GABPB1: variants seen among roughly 807,000 people sequenced by gnomAD.
GABPB1 encodes GA-binding protein subunit beta-1.
Under a neutral mutation model 45.9 loss-of-function variants are expected in GABPB1, and 15 were observed. The observed-to-expected ratio is 0.33, with a 90% CI of 0.22 to 0.50. GABPB1 has a LOEUF of 0.50. Ranked by LOEUF, GABPB1 falls within the 20% of genes least tolerant of loss-of-function variation. The pLI is 0.98. For missense variants in GABPB1, 252 were observed against 457.5 expected (o/e 0.55, Z 4.10); for synonymous variants, 143 against 154.4 (o/e 0.93, Z 0.55).
chr15:50,285,414 T>C (rs1001369589), intron 8 of GABPB1, among the ~76,000 whole-genome samples: 1 of 152,144 alleles, frequency 6.6e-6, no homozygotes, highest in East Asian at 1.9e-4. Context: ...CAAGTATAAC[T>C]TTGTTTTCAT....
intron 1 of GABPB1, chr15:50,354,053 GAC>G (rs71747715): frequency 0.3 from 75,112 of 249,552 alleles, 13,327 homozygotes; most frequent in Middle Eastern, 0.39. Context: ...AAAGTGGGAA[GAC>G]ACACACAAAG....
intron 1 of GABPB1, among the ~76,000 whole-genome samples, chr15:50,339,259 A>G (rs993811070): frequency 6.6e-6 from 1 of 152,236 alleles, no homozygotes; most frequent in Non-Finnish European, 1.5e-5. Context: ...CAGAGGTTGC[A>G]GTGAGCCAAG....
At chr15:50,302,643 CA>C (rs60408137) in intron 4 of GABPB1, among the ~76,000 whole-genome samples, 769 of 62,002 alleles carry the variant, frequency 0.012, 1 homozygote, top group East Asian at 0.03. Flanking sequence ...GACTCTGGCT[CA>C]AAAAAAAAAA....
intron 7 of GABPB1, 27 bp from the exon 8 acceptor site, chr15:50,286,210 A>G (rs759818340): frequency 4.2e-6 from 6 of 1,422,214 alleles, no homozygotes; most frequent in Non-Finnish European, 4.7e-6. Flanking sequence ...ATTATGTATT[A>G]CTTCATTTTC....
chr15:50,303,027 T>G lies in GABPB1; in HGVS notation c.373A>C (p.Lys125Gln). Residue 125 changes from lysine to glutamine, a missense_variant, in exon 4 of 9, where the codon AAA (lysine) becomes CAA (glutamine). Around this residue, in one of 4 missense-constraint regions of GABPB1, gnomAD observed 193 missense variants for 259.9 expected, o/e 0.74. Transcript: ENST00000380877. ...TGCGTGTGTACATCAGCACCATATT[T>G]GATTAAAAGTTCCACCACCTCTTGA... ...NHQEVVELLI[K>Q]YGADVHTQSK... The G allele has an allele frequency of 1.2e-6, 2 of 1,613,962 alleles. No homozygotes were observed. The highest frequency in any genetic ancestry group is 1.7e-4 in the Middle Eastern group (1 of 6,060).
chr15:50,287,875 A>G (rs538290131), intron 7 of GABPB1, among the ~76,000 whole-genome samples: 1 of 152,316 alleles, frequency 6.6e-6, no homozygotes, highest in African/African-American at 2.4e-5. Context: ...TCAGAGGTCA[A>G]GGGTTTCCTC....
At chr15:50,314,858 T>C (rs894705726) in intron 1 of GABPB1, among the ~76,000 whole-genome samples, 18 of 152,234 alleles carry the variant, frequency 1.2e-4, no homozygotes, top group Admixed American at 1.1e-3. Context: ...CTAAGAGTTG[T>C]TTACCATTTT....
At chr15:50,345,227 A>G (rs542206864) in intron 1 of GABPB1, among the ~76,000 whole-genome samples, 4 of 152,368 alleles carry the variant, frequency 2.6e-5, no homozygotes, top group Admixed American at 2.6e-4. Context: ...AAATAGTAAC[A>G]CATATATACT....
rs2047181482 is a variant in GABPB1 at position 50,312,904 on chromosome 15, G to C, written c.1-3106C>G. On this transcript the variant is annotated intron_variant, in intron 1 of 8. Transcript: ENST00000380877. Reference sequence around the variant, plus strand: ...TTGTAAGCGTTCTGACATATGTTCTGGATATGAGTCCTTTGTCAAATATAA... The same window carrying C: ...TTGTAAGCGTTCTGACATATGTTCTCGATATGAGTCCTTTGTCAAATATAA... 3.3e-5 allele frequency among the ~76,000 whole-genome samples: 5 copies of C among 152,042 alleles called. No individual in the cohort carries two copies. The South Asian group carries it at 1.0e-3, about 32-fold the overall frequency.
chr15:50,284,314 G>A (rs1422725579), intron 8 of GABPB1, among the ~76,000 whole-genome samples: 2 of 152,132 alleles, frequency 1.3e-5, no homozygotes, highest in African/African-American at 4.8e-5. Context: ...CTCTGAAATA[G>A]CCCTAAGAGG....
rs1261548776 is a variant in GABPB1, at chr15:50,355,112, A to C, written c.-128T>G. ...AAGCGCTTCAGCTGCACAGGGCGCT[A>C]TTTTCCGAAAATGCCGCGTCTGGTC... On this transcript the variant is annotated 5_prime_UTR_variant, in exon 1 of 9. Coordinates refer to ENST00000380877, the MANE Select transcript of GABPB1 (RefSeq NM_016654.5). 6.5e-6 allele frequency: 1 copy of C among 153,318 alleles called. No homozygotes were observed. The highest frequency in any genetic ancestry group is 1.5e-5 in the Non-Finnish European group (1 of 68,376). The allele number at this position is 153,318 out of a possible 1,614,324, so 9.5% of individuals were successfully genotyped here.
intron 1 of GABPB1, among the ~76,000 whole-genome samples, chr15:50,336,906 A>G (rs2048149130): frequency 6.6e-6 from 1 of 150,556 alleles, no homozygotes; most frequent in Admixed American, 6.6e-5. Context: ...CCAGCCAGGC[A>G]TGGTGGTGTG....
intron 1 of GABPB1, among the ~76,000 whole-genome samples, chr15:50,331,878 TTTTTTG>T (rs1482861475): frequency 1.4e-5 from 2 of 141,002 alleles, no homozygotes; most frequent in African/African-American, 2.8e-5. Flanking sequence ...TTGTTTTTTG[TTTTTTG>T]TTTTTTTTGA....
chr15:50,337,097 A>AGG (rs2048166981), intron 1 of GABPB1, among the ~76,000 whole-genome samples: 1 of 4,646 alleles, frequency 2.2e-4, no homozygotes, highest in Non-Finnish European at 3.2e-4. Context: ...ATATATATAT[A>AGG]TATATATATA....
chr15:50,329,600 T>G (rs1450231565), intron 1 of GABPB1, among the ~76,000 whole-genome samples: 2 of 152,218 alleles, frequency 1.3e-5, no homozygotes, highest in Admixed American at 1.3e-4. Context: ...TTTTTCTCCA[T>G]GTATTTAAAT....
At chr15:50,302,904 T>G (rs1411771997) in intron 4 of GABPB1, 25 bp downstream of exon 4, 3 of 1,488,454 alleles carry the variant, frequency 2.0e-6, no homozygotes, top group Non-Finnish European at 2.8e-6. Context: ...TTCTTTATTT[T>G]CTTAAATTAA....
intron 8 of GABPB1, among the ~76,000 whole-genome samples, chr15:50,279,749 C>G (rs1412032830): frequency 2.6e-5 from 4 of 152,144 alleles, no homozygotes; most frequent in Non-Finnish European, 4.4e-5. Context: ...TCACAGATGC[C>G]CAGGACCTCT....
chr15:50,285,853 G>T, intron 8 of GABPB1: 1 of 1,345,324 alleles, frequency 7.4e-7, no homozygotes, highest in Non-Finnish European at 9.5e-7. Context: ...ATGACAGACT[G>T]TTATAAACAA....
chr15:50,317,959 T>C (rs911926834), intron 1 of GABPB1, among the ~76,000 whole-genome samples: 1 of 151,622 alleles, frequency 6.6e-6, no homozygotes, highest in Non-Finnish European at 1.5e-5. Context: ...AGTAAAAGTA[T>C]GTAAAATATG....
Sources: allele counts gnomAD v4.1 joint callset (sites outside exome capture counted in the v4.1 genomes callset), GRCh38; gene constraint gnomAD v4.1.1; regional missense constraint gnomAD v4.1.1; transcripts MANE v1.5; gene names NCBI Gene and HGNC (gene_info 2026-07-23, HGNC 2026-07-21).